The following ZNF530 variants were observed in gnomAD, a reference collection of about 807,000 sequenced individuals.
The protein encoded by ZNF530 is zinc finger protein 530.
Under a neutral mutation model 2.8 loss-of-function variants are expected in ZNF530, and 5 were observed. The observed-to-expected ratio is 1.80, with a 90% CI of 0.94 to 3.78. The LOEUF (loss-of-function observed/expected upper bound fraction) is 3.78, where lower values mean the gene tolerates loss of function less well. Among genes scored for constraint, ZNF530 ranks in the 30% most tolerant of loss-of-function variants. The probability of loss-of-function intolerance (pLI) is 0.00; values close to 1 mark genes in which losing one functional copy is unlikely to be tolerated. For missense variants in ZNF530, 619 were observed against 673.3 expected, an observed-to-expected ratio of 0.92 and a Z score of 0.89; for synonymous variants, 229 against 235.0, an observed-to-expected ratio of 0.97 and a Z score of 0.23.
chr19:57,603,384 A>T (rs1469928991), intron 2 of ZNF530, among the ~76,000 whole-genome samples: 1 of 152,216 alleles, frequency 6.6e-6, no homozygotes, highest in Non-Finnish European at 1.5e-5. Context: ...TTCAGACAAG[A>T]TGAGGCTGAA....
rs933714613 is a variant in ZNF530 at position 57,609,817 on chromosome 19, A to G, written c.*2492A>G. Among the ~76,000 whole-genome samples the G allele has an allele frequency of 2.0e-5, 3 of 152,156 alleles. No homozygotes were observed. Among genetic ancestry groups the G allele is most frequent in the Admixed American group, 1.3e-4 (2 of 15,282 alleles). On this transcript the variant is annotated 3_prime_UTR_variant, in exon 4 of 4. Coordinates refer to ENST00000597700, the MANE Select transcript of ZNF530 (RefSeq NM_001321981.2). ...CCATTGCTGCACAGACAAAAAAAAA[A>G]AAGGATGAAGTCAAGAGAGATTCGG...
chr19:57,606,889 G>A lies in ZNF530; in HGVS notation c.1265G>A (p.Arg422Lys). Residue 422 changes from arginine to lysine, a missense_variant, in exon 4 of 4, where the codon AGA becomes AAA. Coordinates refer to ENST00000597700, the MANE Select transcript of ZNF530 (RefSeq NM_001321981.2). ...AGCTCTGGCCTCTTTCGACACAGAAGAGCTCACACTAAAACAAAGCCTTAT... is the reference window on the plus strand; with the variant it reads ...AGCTCTGGCCTCTTTCGACACAGAAAAGCTCACACTAAAACAAAGCCTTAT... ...SQSSGLFRHR[R>K]AHTKTKPYEC... The A allele has an allele frequency of 1.9e-6, 3 of 1,613,818 alleles. No individual in the cohort carries two copies. The highest frequency in any genetic ancestry group is 1.7e-6 in the Non-Finnish European group (2 of 1,179,950).
chr19:57,606,982 C>G lies in ZNF530; in HGVS notation c.1358C>G (p.Thr453Ser), dbSNP rs1239095994. Residue 453 changes from threonine (T) to serine (S), a missense_variant, in exon 4 of 4, where the codon ACT (threonine) becomes AGT (serine). By Grantham distance (58) the Thr-to-Ser change is moderately conservative (BLOSUM62 1). Coordinates refer to ENST00000597700, the MANE Select transcript of ZNF530 (RefSeq NM_001321981.2). Reference protein sequence around the residue: ...TDLIRHQTVHTGERPYECSVC... With the variant: ...TDLIRHQTVHSGERPYECSVC... ...CTCATTCGACACCAGACAGTTCACACTGGAGAAAGGCCTTATGAGTGCAGT... is the reference window on the plus strand; with the variant it reads ...CTCATTCGACACCAGACAGTTCACAGTGGAGAAAGGCCTTATGAGTGCAGT... 9.9e-6 allele frequency: 16 copies of G among 1,614,040 alleles called. No homozygotes were observed. The highest frequency in any genetic ancestry group is 1.4e-5 in the Non-Finnish European group (16 of 1,180,044).
rs540556940 is a variant in ZNF530, at chr19:57,601,701, C to T, written c.-70+922C>T. ...CCATTTGCATTACTATAAAGAAATA[C>T]CTAAGGCTGGGTAGTTTATAAAGAA... is the stretch of plus-strand genomic sequence containing the variant. On this transcript the variant is annotated intron_variant, in intron 2 of 3. Coordinates refer to ENST00000597700, the MANE Select transcript of ZNF530 (RefSeq NM_001321981.2). Among the ~76,000 whole-genome samples, 5 of 152,238 alleles carry T rather than the reference C, an allele frequency of 3.3e-5. 1 individual carries two copies. The South Asian group carries it at 1.0e-3, about 32-fold the overall frequency.
Position 57,609,992 on chromosome 19 carries a change from G to C in ZNF530, c.*2667G>C, listed in dbSNP as rs1426750060. The stretch of plus-strand genomic sequence containing the variant: ...AGATGGTAGAGTCAATAGAGACTTA[G>C]TAAACCAGACTTTTTGAAGTGTCAA... On this transcript the variant is annotated 3_prime_UTR_variant, in exon 4 of 4. Coordinates refer to ENST00000597700, the MANE Select transcript of ZNF530 (RefSeq NM_001321981.2). Among the ~76,000 whole-genome samples, 1 of 152,078 alleles carries C rather than the reference G, an allele frequency of 6.6e-6. No individual in the cohort carries two copies. Among genetic ancestry groups the C allele is most frequent in the Non-Finnish European group, 1.5e-5 (1 of 68,012 alleles).
chr19:57,606,921 A>C lies in ZNF530; in HGVS notation c.1297A>C (p.Ser433Arg), dbSNP rs759837104. 6.2e-7 allele frequency: 1 copy of C among 1,613,968 alleles called. No individual in the cohort carries two copies. The highest frequency in any genetic ancestry group is 1.7e-5 in the Admixed American group (1 of 60,016). Residue 433 changes from serine to arginine, a missense_variant, in exon 4 of 4, where the codon AGT becomes CGT. Transcript: ENST00000597700. ...CACTAAAACAAAGCCTTATGAGTGC[A>C]GTGAATGTGAAAAATCATTTAGTTG... ...AHTKTKPYEC[S>R]ECEKSFSCKT...
intron 3 of ZNF530, chr19:57,605,442 A>C (rs1311276920): frequency 2.3e-6 from 1 of 427,342 alleles, no homozygotes; most frequent in African/African-American, 2.0e-5. Flanking sequence ...TCCTGATAAA[A>C]GCTTTTGGCA....
Position 57,607,321 on chromosome 19 carries a change from A to C in ZNF530, c.1697A>C (p.Gln566Pro), listed in dbSNP as rs1218715505. The C allele has an allele frequency of 1.9e-6, 3 of 1,572,198 alleles. No individual in the cohort carries two copies. The highest frequency in any genetic ancestry group is 2.6e-6 in the Non-Finnish European group (3 of 1,163,476). The change falls in exon 4 of 4, where the codon CAG (glutamine) becomes CCG (proline). Residue 566 changes from glutamine to proline, a missense_variant. Transcript: ENST00000597700. ...GLLRHRRVHVQ is the reference protein window; with the variant it reads ...GLLRHRRVHVP ...TTAAGACACAGAAGAGTTCATGTGCAGTGAATGTGGGAAATTATTTTGTCA... is the reference window on the plus strand; with the variant it reads ...TTAAGACACAGAAGAGTTCATGTGCCGTGAATGTGGGAAATTATTTTGTCA...
chr19:57,607,079 T>C lies in ZNF530; in HGVS notation c.1455T>C (p.Pro485=). The C allele has an allele frequency of 6.2e-7, 1 of 1,613,326 alleles. No homozygotes were observed. The highest frequency in any genetic ancestry group is 8.5e-7 in the Non-Finnish European group (1 of 1,179,542). ...AGACTGTTCACACTAATGAAAGGCCTTATGAGTGCGATGAATGTGGGAAAT... is the reference window on the plus strand; with the variant it reads ...AGACTGTTCACACTAATGAAAGGCCCTATGAGTGCGATGAATGTGGGAAAT... ...RHQTVHTNER[P]YECDECGKSY... The change falls in exon 4 of 4, where the codon CCT becomes CCC. Residue 485 remains proline, a synonymous_variant. Coordinates refer to ENST00000597700, the MANE Select transcript of ZNF530 (RefSeq NM_001321981.2).
In ZNF530 at chr19:57,605,754, C is replaced by G; in HGVS notation, c.130C>G (p.Gln44Glu). Reference sequence around the variant, plus strand: ...GAGCGTTTCTGTGGAAGAACTGTCACAGGGCAGGACTCCAAAGGCAGATAC... The same window carrying G: ...GAGCGTTTCTGTGGAAGAACTGTCAGAGGGCAGGACTCCAAAGGCAGATAC... ...AESVSVEELS[Q>E]GRTPKADTST... Residue 44 changes from glutamine (Q) to glutamate (E), a missense_variant, in exon 4 of 4, where the codon CAG becomes GAG. By Grantham distance (29) the Gln-to-Glu change is conservative (BLOSUM62 2). Transcript: ENST00000597700. 6.2e-7 allele frequency: 1 copy of G among 1,614,136 alleles called. No homozygotes were observed. Among genetic ancestry groups the G allele is most frequent in the Non-Finnish European group, 8.5e-7 (1 of 1,180,018 alleles).
At position 57,606,646 on chromosome 19, in the gene ZNF530, C is replaced by G; in HGVS notation, c.1022C>G (p.Thr341Ser). 2.5e-6 allele frequency: 4 copies of G among 1,614,104 alleles called. No homozygotes were observed. Among genetic ancestry groups the G allele is most frequent in the Non-Finnish European group, 3.4e-6 (4 of 1,180,012 alleles). Residue 341 changes from threonine to serine, a missense_variant, in exon 4 of 4, where the codon ACT becomes AGT. Thr to Ser is a moderately conservative substitution (Grantham distance 58, BLOSUM62 1). Coordinates refer to ENST00000597700, the MANE Select transcript of ZNF530 (RefSeq NM_001321981.2). ...CTCTTTCGACACTGGAGAGTTCACACTGGAGTAAGGCCTTATGAGTGTAGT... is the reference window on the plus strand; with the variant it reads ...CTCTTTCGACACTGGAGAGTTCACAGTGGAGTAAGGCCTTATGAGTGTAGT... ...TNLFRHWRVH[T>S]GVRPYECSEC...
chr19:57,611,211 G>T (rs777477071), downstream of ZNF530, among the ~76,000 whole-genome samples: 4 of 152,186 alleles, frequency 2.6e-5, no homozygotes, highest in Non-Finnish European at 4.4e-5. Flanking sequence ...GGAGGCAGAG[G>T]TTGGCTTAAG....
chr19:57,602,403 T>G (rs2023807), intron 2 of ZNF530, among the ~76,000 whole-genome samples: 3 of 152,176 alleles, frequency 2.0e-5, no homozygotes, highest in South Asian at 2.1e-4. Context: ...AGTGCTTCAA[T>G]GTAAGCATTT....
chr19:57,606,010 A>G lies in ZNF530; in HGVS notation c.386A>G (p.His129Arg), dbSNP rs752967418. The change falls in exon 4 of 4, where the codon CAT (histidine) becomes CGT (arginine). Residue 129 changes from histidine to arginine, a missense_variant. Coordinates refer to ENST00000597700, the MANE Select transcript of ZNF530 (RefSeq NM_001321981.2). ...QASFMMNCRF[H>R]VSGKPFTFGE... The stretch of plus-strand genomic sequence containing the variant: ...TCATTTATGATGAACTGCAGGTTCC[A>G]TGTGTCAGGAAAACCCTTCACGTTT... 3 of 1,614,204 alleles carry G rather than the reference A, an allele frequency of 1.9e-6. No individual in the cohort carries two copies. The highest frequency in any genetic ancestry group is 2.5e-6 in the Non-Finnish European group (3 of 1,180,038).
intron 2 of ZNF530, among the ~76,000 whole-genome samples, chr19:57,601,529 G>A (rs1335987822): frequency 6.6e-6 from 1 of 152,218 alleles, no homozygotes; most frequent in African/African-American, 2.4e-5. Context: ...TTAAAAATAT[G>A]AGATGTTTTA....
chr19:57,601,445 C>T (rs967672101), intron 2 of ZNF530, among the ~76,000 whole-genome samples: 2 of 152,176 alleles, frequency 1.3e-5, no homozygotes, highest in Non-Finnish European at 2.9e-5. Flanking sequence ...CATAGAAGCT[C>T]CATCTACTGG....
downstream of ZNF530, among the ~76,000 whole-genome samples, chr19:57,610,548 C>G (rs898885262): frequency 6.6e-6 from 1 of 152,044 alleles, no homozygotes; most frequent in Admixed American, 6.6e-5. Flanking sequence ...CCTCCCACTT[C>G]TATTGGAAAC....
At chr19:57,612,322 A>AGCTATTGG (rs1187132136), downstream of ZNF530, among the ~76,000 whole-genome samples, 1 of 152,144 alleles carries the variant, frequency 6.6e-6, no homozygotes, top group African/African-American at 2.4e-5. Context: ...GTACAGCGTA[A>AGCTATTGG]GCTATTGGGG....
downstream of ZNF530, among the ~76,000 whole-genome samples, chr19:57,612,327 T>C (rs3761060): frequency 0.26 from 40,196 of 152,114 alleles, 6,487 homozygotes; most frequent in African/African-American, 0.45. Flanking sequence ...GCGTAAGCTA[T>C]TGGGGTCTGT....
Sources: allele counts gnomAD v4.1 joint callset (sites outside exome capture counted in the v4.1 genomes callset), GRCh38; gene constraint gnomAD v4.1.1; transcripts MANE v1.5; gene names NCBI Gene and HGNC (gene_info 2026-07-23, HGNC 2026-07-21).